Variants in MACF1 observed in about 807,000 individuals in gnomAD.
The protein encoded by MACF1 is microtubule-actin cross-linking factor 1.
A neutral mutation model predicts 854.8 loss-of-function variants in MACF1; 193 were observed. The ratio of observed to expected loss-of-function variants is 0.23; its 90% CI spans 0.20 to 0.25. The LOEUF (loss-of-function observed/expected upper bound fraction) is 0.25. Ranked by LOEUF, MACF1 falls within the 10% of genes least tolerant of loss-of-function variation. The pLI is 1.00. For synonymous variants in MACF1, 3,185 were observed against 3,226.7 expected (o/e 0.99, Z 0.44); for missense variants, 7,722 against 8,929.1 (o/e 0.86, Z 5.45).
intron 49 of MACF1, among the ~76,000 whole-genome samples, chr1:39,365,921 C>T (rs901005106): frequency 7.9e-5 from 12 of 152,244 alleles, no homozygotes; most frequent in African/African-American, 2.9e-4. Flanking sequence ...AGTAATCCAC[C>T]GACCTTGGCC....
chr1:39,108,020 T>C (rs1642291703), intron 2 of MACF1, among the ~76,000 whole-genome samples: 1 of 151,502 alleles, frequency 6.6e-6, no homozygotes, highest in South Asian at 2.1e-4. Context: ...TAGTCAAGTA[T>C]GGGTTTTCCA....
Position 39,434,386 on chromosome 1 carries a change from C to CT in MACF1, c.17566-11dup, listed in dbSNP as rs71798934. Reference sequence around the variant, plus strand: ...AGAGTTTATAATAGTAATACTTATCCTTTTTTTTTTTTTTTTTGCTCACAT... The same window carrying CT: ...AGAGTTTATAATAGTAATACTTATCCTTTTTTTTTTTTTTTTTTGCTCACAT... On this transcript the variant is annotated intron_variant, in intron 68 of 100. Transcript: ENST00000564288. 0.038 allele frequency: 37,186 copies of CT among 985,090 alleles called. 1,108 individuals are homozygous for CT. The highest frequency in any genetic ancestry group is 0.2 in the African/African-American group (10,649 of 54,206). The allele number at this position is 985,090 out of a possible 1,614,324, so 61.0% of individuals were successfully genotyped here.
intron 2 of MACF1, among the ~76,000 whole-genome samples, chr1:39,144,644 A>G (rs369511514): frequency 9.8e-6 from 1 of 102,042 alleles, no homozygotes; most frequent in Non-Finnish European, 1.9e-5. Flanking sequence ...TCAGCGTGGC[A>G]TCAATTTTGG....
At chr1:39,345,918 A>G (rs1032175381) in intron 40 of MACF1, among the ~76,000 whole-genome samples, 2 of 152,064 alleles carry the variant, frequency 1.3e-5, no homozygotes, top group Non-Finnish European at 2.9e-5. Context: ...AAATACAAAA[A>G]ATTAGCCAGG....
intron 23 of MACF1, among the ~76,000 whole-genome samples, chr1:39,308,796 T>A (rs1646241012): frequency 2.6e-5 from 4 of 151,956 alleles, no homozygotes; most frequent in Non-Finnish European, 5.9e-5. Context: ...GCTGAGATTA[T>A]AGGCATCTAC....
At chr1:39,291,778 T>C in intron 15 of MACF1, 132 bp from the exon 16 acceptor site, 1 of 804,454 alleles carries the variant, frequency 1.2e-6, no homozygotes, top group Non-Finnish European at 1.8e-6. Flanking sequence ...AGGCTGTAGA[T>C]TGAAGGAGAT....
At chr1:39,245,389 T>C (rs888401081) in intron 2 of MACF1, among the ~76,000 whole-genome samples, 3 of 152,136 alleles carry the variant, frequency 2.0e-5, no homozygotes, top group African/African-American at 7.2e-5. Context: ...AGCGCGATTC[T>C]CGTGTCTCAG....
intron 2 of MACF1, among the ~76,000 whole-genome samples, chr1:39,128,093 G>C (rs1024864381): frequency 6.6e-6 from 1 of 152,178 alleles, no homozygotes; most frequent in Non-Finnish European, 1.5e-5. Context: ...TGCCAGGCTT[G>C]CTTTGGAACT....
chr1:39,243,031 G>T (rs67886352), intron 2 of MACF1, among the ~76,000 whole-genome samples: 1 of 152,014 alleles, frequency 6.6e-6, no homozygotes, highest in Non-Finnish European at 1.5e-5. Context: ...CATTATTTTC[G>T]AAAGCAACTG....
chr1:39,191,398 C>T (rs1644254189), intron 2 of MACF1, among the ~76,000 whole-genome samples: 1 of 152,192 alleles, frequency 6.6e-6, no homozygotes, highest in African/African-American at 2.4e-5. Flanking sequence ...TTTGCACTAA[C>T]TCCATAGATT....
rs1642913770 is a variant in MACF1, at chr1:39,409,969, T to G, written c.15817-12405T>G. ...TATCAGATGATTTTTGTTGACTGTATTTGAAAGAGCAGTGCTCTTAAAAAA... is the reference window on the plus strand; with the variant it reads ...TATCAGATGATTTTTGTTGACTGTAGTTGAAAGAGCAGTGCTCTTAAAAAA... On this transcript the variant is annotated intron_variant, in intron 58 of 100. Coordinates refer to ENST00000564288, the MANE Select transcript of MACF1 (RefSeq NM_001394062.1). This position sits in a 1 kb window ranked among gnomAD's most constrained non-coding sequence, Gnocchi z 4.2. 3.3e-6 allele frequency: 1 copy of G among 302,880 alleles called. No homozygotes were observed. Among genetic ancestry groups the G allele is most frequent in the East Asian group, 5.6e-5 (1 of 17,920 alleles). 18.8% of individuals were successfully genotyped at this position (302,880 alleles called of 1,614,324 possible).
intron 61 of MACF1, 130 bp downstream of exon 61, chr1:39,424,324 G>A (rs981530956): frequency 1.5e-6 from 1 of 668,086 alleles, no homozygotes; most frequent in Middle Eastern, 4.3e-4. Context: ...TATTTGAAAT[G>A]GGATAAGATT....
intron 58 of MACF1, among the ~76,000 whole-genome samples, chr1:39,390,974 GGTGGCAGGCGC>G (rs1642010850): frequency 6.6e-6 from 1 of 152,016 alleles, no homozygotes; most frequent in African/African-American, 2.4e-5. Context: ...AGCTGGGTAT[GGTGGCAGGCGC>G]CTGTAGTCCC....
intron 2 of MACF1, among the ~76,000 whole-genome samples, chr1:39,198,116 T>C (rs535343876): frequency 7.9e-5 from 12 of 152,252 alleles, no homozygotes; most frequent in African/African-American, 2.9e-4. Context: ...GAGGATTACT[T>C]GAGCCCGGTA....
chr1:39,309,866 T>A (rs998629000), intron 24 of MACF1, among the ~76,000 whole-genome samples, 170 bp downstream of exon 24: 3 of 152,222 alleles, frequency 2.0e-5, no homozygotes, highest in African/African-American at 7.2e-5. Context: ...AAGCAGCAAT[T>A]TGAATGGTAA....
chr1:39,342,212 C>T (rs756591198), intron 40 of MACF1, among the ~76,000 whole-genome samples: 2 of 152,032 alleles, frequency 1.3e-5, no homozygotes, highest in Non-Finnish European at 2.9e-5. Context: ...ATCCATATTG[C>T]TTTAAAGGAT....
rs778702944 is a variant in MACF1 at position 39,412,871 on chromosome 1, C to T, written c.15817-9503C>T. On this transcript the variant is annotated intron_variant, in intron 58 of 100. Transcript: ENST00000564288. ...GCTGCAGTGCCTGCCCCAGAGGGAA[C>T]TGCTGTAGTTGCTGCTTTAGTGCCC... The T allele has an allele frequency of 2.5e-6, 4 of 1,610,906 alleles. No individual in the cohort carries two copies. The East Asian group carries it at 6.7e-5, about 27-fold the overall frequency.
intron 14 of MACF1, among the ~76,000 whole-genome samples, chr1:39,286,420 G>C (rs1645644426): frequency 6.6e-6 from 1 of 151,518 alleles, no homozygotes; most frequent in Non-Finnish European, 1.5e-5. Flanking sequence ...GGAAAATTGA[G>C]ACCCACAGAA....
chr1:39,327,987 G>A (rs2148463128), intron 36 of MACF1, among the ~76,000 whole-genome samples: 1 of 152,240 alleles, frequency 6.6e-6, no homozygotes, highest in Non-Finnish European at 1.5e-5. Flanking sequence ...ATATACATGT[G>A]TCTCTGGGAT....
Sources: allele counts gnomAD v4.1 joint callset (sites outside exome capture counted in the v4.1 genomes callset), GRCh38; gene constraint gnomAD v4.1.1; non-coding constraint Gnocchi (gnomAD v3.1); transcripts MANE v1.5; gene names NCBI Gene and HGNC (gene_info 2026-07-23, HGNC 2026-07-21).